PRKG1: variants seen among roughly 807,000 people sequenced by gnomAD.
PRKG1 encodes protein kinase cGMP-dependent 1, also known as cGMP-dependent protein kinase 1.
In PRKG1, 35 loss-of-function variants were observed where a neutral mutation model predicts 88.1. The ratio of observed to expected loss-of-function variants is 0.40; its 90% CI spans 0.30 to 0.53. The LOEUF is 0.53. Ranked by LOEUF, PRKG1 falls within the 20% of genes least tolerant of loss-of-function variation. The probability of loss-of-function intolerance (pLI) is 0.59; values close to 1 mark genes in which losing one functional copy is unlikely to be tolerated. For missense variants in PRKG1, 540 were observed against 839.8 expected, an observed-to-expected ratio of 0.64 and a Z score of 4.41; for synonymous variants, 303 against 292.5, an observed-to-expected ratio of 1.04 and a Z score of -0.37.
chr10:51,752,620 G>C (rs1285959756), intron 3 of PRKG1, among the ~76,000 whole-genome samples: 1 of 152,128 alleles, frequency 6.6e-6, no homozygotes, highest in Non-Finnish European at 1.5e-5. Flanking sequence ...CGGTTAAATA[G>C]ATGCAGATGA....
chr10:51,866,479 G>A (rs1334939835), intron 4 of PRKG1, among the ~76,000 whole-genome samples: 3 of 151,328 alleles, frequency 2.0e-5, no homozygotes, highest in Admixed American at 6.6e-5. Context: ...ATATTTTAAA[G>A]TATCTACTAT....
At chr10:51,761,296 C>G (rs1037252898) in intron 3 of PRKG1, among the ~76,000 whole-genome samples, 2 of 152,202 alleles carry the variant, frequency 1.3e-5, no homozygotes, top group Non-Finnish European at 2.9e-5. Flanking sequence ...AGCTTTCAAT[C>G]AGCTTTGCTT....
intron 1 of PRKG1, among the ~76,000 whole-genome samples, chr10:51,021,901 G>A (rs183816022): frequency 6.2e-4 from 95 of 152,014 alleles, no homozygotes; most frequent in African/African-American, 2.2e-3. Context: ...GGCTGGTCTC[G>A]AACTCCTGAC....
At chr10:51,550,791 C>T (rs1217822415) in intron 3 of PRKG1, among the ~76,000 whole-genome samples, 1 of 151,878 alleles carries the variant, frequency 6.6e-6, no homozygotes, top group Non-Finnish European at 1.5e-5. Context: ...ATCAAGAATT[C>T]ATGGGAAAAC....
At chr10:51,470,421 C>A (rs1014984130) in intron 3 of PRKG1, among the ~76,000 whole-genome samples, 4 of 151,678 alleles carry the variant, frequency 2.6e-5, no homozygotes, top group Non-Finnish European at 4.4e-5. Context: ...TTCTTTCTTA[C>A]ATACCTCGGC....
At chr10:51,008,742 A>G (rs1186079006) in intron 1 of PRKG1, among the ~76,000 whole-genome samples, 1 of 152,160 alleles carries the variant, frequency 6.6e-6, no homozygotes, top group Admixed American at 6.5e-5. Flanking sequence ...ATCTTCCTTC[A>G]AGCCCAAGAT....
At chr10:51,196,985 C>G (rs957989724) in intron 2 of PRKG1, among the ~76,000 whole-genome samples, 1 of 152,068 alleles carries the variant, frequency 6.6e-6, no homozygotes, top group African/African-American at 2.4e-5. Flanking sequence ...GACTTTGGCA[C>G]TTCTGTTCTG....
chr10:51,962,526 G>A (rs960559109), intron 5 of PRKG1, among the ~76,000 whole-genome samples: 20 of 151,826 alleles, frequency 1.3e-4, no homozygotes. Flanking sequence ...TATAAGCCAC[G>A]ATGGATTTGG....
At chr10:51,668,204 G>A (rs1483665800) in intron 3 of PRKG1, among the ~76,000 whole-genome samples, 2 of 152,128 alleles carry the variant, frequency 1.3e-5, no homozygotes, top group African/African-American at 4.8e-5. Context: ...AGTATGTCAG[G>A]AAGGTTAATG....
At chr10:51,332,094 A>C (rs1331177459) in intron 2 of PRKG1, among the ~76,000 whole-genome samples, 1 of 152,218 alleles carries the variant, frequency 6.6e-6, no homozygotes, top group Non-Finnish European at 1.5e-5. Flanking sequence ...AAATGGATAG[A>C]TATCCATCAA....
chr10:51,960,791 C>T (rs529363232), intron 5 of PRKG1, among the ~76,000 whole-genome samples: 1 of 152,232 alleles, frequency 6.6e-6, no homozygotes, highest in South Asian at 2.1e-4. Flanking sequence ...CAAATAGGAT[C>T]TCAAAAGCAT....
chr10:51,020,962 T>A (rs1445036982), intron 1 of PRKG1, among the ~76,000 whole-genome samples: 1 of 152,210 alleles, frequency 6.6e-6, no homozygotes, highest in African/African-American at 2.4e-5. Flanking sequence ...GAGTCCATAC[T>A]TGTAGTTTAA....
chr10:51,859,629 C>T (rs1197791532), intron 4 of PRKG1, among the ~76,000 whole-genome samples: 3 of 152,134 alleles, frequency 2.0e-5, no homozygotes, highest in Non-Finnish European at 4.4e-5. Context: ...CAAAAATGCA[C>T]ATGGCAATTA....
chr10:52,048,069 A>G (rs969317340), intron 5 of PRKG1, among the ~76,000 whole-genome samples: 5 of 152,100 alleles, frequency 3.3e-5, no homozygotes, highest in Admixed American at 3.3e-4. Context: ...AGCTATTTTT[A>G]TAATTAGTAG....
intron 3 of PRKG1, among the ~76,000 whole-genome samples, chr10:51,495,768 A>C (rs1299056644): frequency 6.6e-6 from 1 of 152,200 alleles, no homozygotes; most frequent in Non-Finnish European, 1.5e-5. Context: ...GTAAATGTAT[A>C]TTCCGCTGAG....
At chr10:51,884,263 G>A (rs1841507944) in intron 4 of PRKG1, among the ~76,000 whole-genome samples, 2 of 149,858 alleles carry the variant, frequency 1.3e-5, no homozygotes, top group Non-Finnish European at 1.5e-5. Flanking sequence ...TGGCTAACAC[G>A]GTGAAACCCC....
chr10:51,661,072 T>C (rs1365959019), intron 3 of PRKG1, among the ~76,000 whole-genome samples: 3 of 152,074 alleles, frequency 2.0e-5, no homozygotes, highest in Non-Finnish European at 4.4e-5. Flanking sequence ...AAGTGCTTGG[T>C]TGATTTAGCA....
Position 51,756,119 on chromosome 10 carries a change from G to A in PRKG1, c.593-48466G>A, listed in dbSNP as rs762278903. 1.0e-3 allele frequency among the ~76,000 whole-genome samples: 152 copies of A among 152,312 alleles called. 2 individuals carry two copies. In the Middle Eastern group the frequency reaches 0.017, roughly 17 times the overall value. On this transcript the variant is annotated intron_variant, in intron 3 of 17. Transcript: ENST00000373980. ...ATAACATTGGGGGCAGACAAGGAAA[G>A]TAGAAAGTATAAAATAGGGTCTTTA... is the stretch of plus-strand genomic sequence containing the variant.
intron 3 of PRKG1, among the ~76,000 whole-genome samples, chr10:51,625,190 A>C (rs1406951074): frequency 6.6e-6 from 1 of 152,168 alleles, no homozygotes; most frequent in East Asian, 1.9e-4. Flanking sequence ...TTATAAATAA[A>C]AAATAGGCCA....
Sources: allele counts gnomAD v4.1 joint callset (sites outside exome capture counted in the v4.1 genomes callset), GRCh38; gene constraint gnomAD v4.1.1; transcripts MANE v1.5; gene names NCBI Gene and HGNC (gene_info 2026-07-23, HGNC 2026-07-21).